Variants in IQGAP2 observed in about 807,000 individuals in gnomAD.
IQGAP2 encodes ras GTPase-activating-like protein IQGAP2.
In IQGAP2, 173 loss-of-function variants were observed where a neutral mutation model predicts 201.3. The observed-to-expected ratio is 0.86, with a 90% CI of 0.76 to 0.98. The LOEUF is 0.98. Ranked by LOEUF, IQGAP2 falls within the 50% of genes least tolerant of loss-of-function variation. The pLI is 0.00. For synonymous variants in IQGAP2, 675 were observed against 673.9 expected (o/e 1.00, Z -0.03); for missense variants, 1,687 against 1,864.8 (o/e 0.90, Z 1.76).
chr5:76,419,242 A>G lies in IQGAP2; in HGVS notation c.46+15651A>G, dbSNP rs78407751. On this transcript the variant is annotated intron_variant, in intron 1 of 35. Coordinates refer to ENST00000274364, the MANE Select transcript of IQGAP2 (RefSeq NM_006633.5). ...AGCCTCAAACTCCTGGGCTCAAGCT[A>G]TGCTCCCAAGTAGCTAGGACTACAG... 6.6e-3 allele frequency among the ~76,000 whole-genome samples: 999 copies of G among 152,248 alleles called. 10 individuals are homozygous for G. Among genetic ancestry groups the G allele is most frequent in the African/African-American group, 0.022 (894 of 41,542 alleles).
intron 14 of IQGAP2, among the ~76,000 whole-genome samples, chr5:76,630,728 T>C (rs1750629432): frequency 6.6e-6 from 1 of 152,104 alleles, no homozygotes; most frequent in African/African-American, 2.4e-5. Flanking sequence ...ATTTTCTCTA[T>C]CCTACAAAGC....
chr5:76,670,083 G>A (rs1010104645), intron 23 of IQGAP2, among the ~76,000 whole-genome samples: 4 of 152,170 alleles, frequency 2.6e-5, no homozygotes, highest in South Asian at 4.1e-4. Flanking sequence ...GAGAGATGGC[G>A]GGTGAAGCTG....
In IQGAP2 at chr5:76,504,124, A is replaced by G. The variant is rs116509170; in HGVS notation, c.146+42455A>G. 9.1e-3 allele frequency among the ~76,000 whole-genome samples: 1,392 copies of G among 152,296 alleles called. 18 individuals are homozygous for G. Among genetic ancestry groups the G allele is most frequent in the African/African-American group, 0.031 (1,296 of 41,558 alleles). On this transcript the variant is annotated intron_variant, in intron 2 of 35. Transcript: ENST00000274364. ...ACTTTTAGAGCATAGCGTGCTAACA[A>G]AGAGGAGCTTGCTTCCTCCAAACAG...
intron 2 of IQGAP2, among the ~76,000 whole-genome samples, chr5:76,530,651 T>C (rs994934480): frequency 1.5e-5 from 2 of 130,746 alleles, no homozygotes; most frequent in Admixed American, 1.5e-4. Context: ...CTTTAACAAT[T>C]TGAAGTTCTT....
Position 76,694,109 on chromosome 5 carries a change from C to T in IQGAP2, c.3993+667C>T, listed in dbSNP as rs1449952248. The T allele has an allele frequency of 3.3e-5, 5 of 152,114 alleles. No individual in the cohort carries two copies. The East Asian group carries it at 7.7e-4, about 23-fold the overall frequency. The allele number at this position is 152,114 out of a possible 1,614,324, so 9.4% of individuals were successfully genotyped here. ...GATCATTCTTAATTTAATTGATTGC[C>T]AAGGAATCCTTGTAATAGTTTTTAA... is the stretch of plus-strand genomic sequence containing the variant. On this transcript the variant is annotated intron_variant, in intron 31 of 35. Transcript: ENST00000274364.
At chr5:76,584,122 T>A (rs963096797) in intron 5 of IQGAP2, among the ~76,000 whole-genome samples, 3 of 152,168 alleles carry the variant, frequency 2.0e-5, no homozygotes, top group African/African-American at 7.2e-5. Flanking sequence ...ATCGCCTGCC[T>A]TGGCCTCCCA....
intron 15 of IQGAP2, among the ~76,000 whole-genome samples, chr5:76,636,698 C>T (rs2150394321): frequency 6.6e-6 from 1 of 152,342 alleles, no homozygotes; most frequent in South Asian, 2.1e-4. Flanking sequence ...CCTTTGTCTA[C>T]ATGTGTTGTT....
At chr5:76,483,198 T>C (rs1016761933) in intron 2 of IQGAP2, among the ~76,000 whole-genome samples, 3 of 152,274 alleles carry the variant, frequency 2.0e-5, no homozygotes, top group East Asian at 3.9e-4. Flanking sequence ...ATAGCATAAA[T>C]AGAGGTGGAG....
intron 2 of IQGAP2, among the ~76,000 whole-genome samples, chr5:76,496,749 C>CTTTTCT (rs775351003): frequency 1.7e-5 from 1 of 60,470 alleles, no homozygotes; most frequent in Admixed American, 1.7e-4. Flanking sequence ...TTCTTTCTTT[C>CTTTTCT]TTTCTTTCTT....
chr5:76,534,165 A>G (rs867500311), intron 2 of IQGAP2, among the ~76,000 whole-genome samples: 2 of 152,322 alleles, frequency 1.3e-5, no homozygotes, highest in African/African-American at 2.4e-5. Context: ...TTTTTCCCAC[A>G]TGGAGAGCTA....
Position 76,496,765 on chromosome 5 carries a change from C to CTTTCTTTCT in IQGAP2, c.146+35099_146+35107dup, listed in dbSNP as rs1561416612. Among the ~76,000 whole-genome samples, 52 of 72,028 alleles carry CTTTCTTTCT rather than the reference C, an allele frequency of 7.2e-4. 1 individual carries two copies. The highest frequency in any genetic ancestry group is 1.8e-3 in the African/African-American group (25 of 14,158). The allele number at this position is 72,028 out of a possible 152,430, so 47.3% of individuals were successfully genotyped here. ...TCTTTCTTTCTTTCTTTCTTTCTTT[C>CTTTCTTTCT]TTTCTTTCTTTCTTTCTTTCTTTCT... On this transcript the variant is annotated intron_variant, in intron 2 of 35. Coordinates refer to ENST00000274364, the MANE Select transcript of IQGAP2 (RefSeq NM_006633.5).
At chr5:76,544,798 A>G (rs1004333615) in intron 2 of IQGAP2, among the ~76,000 whole-genome samples, 11 of 152,182 alleles carry the variant, frequency 7.2e-5, no homozygotes, top group Non-Finnish European at 1.3e-4. Flanking sequence ...AAAGGTAAAC[A>G]TTATTGCCAG....
Position 76,674,647 on chromosome 5 carries a change from A to G in IQGAP2, c.3465A>G (p.Glu1155=). The G allele has an allele frequency of 6.2e-7, 1 of 1,614,174 alleles. No homozygotes were observed. Among genetic ancestry groups the G allele is most frequent in the Non-Finnish European group, 8.5e-7 (1 of 1,180,006 alleles). The change falls in exon 27 of 36, where the codon GAA becomes GAG. Residue 1155 remains glutamate, a synonymous_variant. Transcript: ENST00000274364. ...LQHAASNKLF[E]GENEHLSSMN... ...ACGCAGCCTCCAACAAGCTGTTTGA[A>G]GGAGAAAATGAGCATCTCTCATCTA...
At chr5:76,535,060 G>C (rs768301744) in intron 2 of IQGAP2, among the ~76,000 whole-genome samples, 4 of 152,202 alleles carry the variant, frequency 2.6e-5, no homozygotes, top group Non-Finnish European at 5.9e-5. Flanking sequence ...AGCAGGTAGG[G>C]AGTAGAGTGA....
At chr5:76,429,894 C>CACACACACACACACA (rs1401698379) in intron 1 of IQGAP2, among the ~76,000 whole-genome samples, 1 of 150,230 alleles carries the variant, frequency 6.7e-6, no homozygotes, top group African/African-American at 2.5e-5. Context: ...CACACACACA[C>CACACACACACACACA]GACTATTTCA....
intron 2 of IQGAP2, among the ~76,000 whole-genome samples, chr5:76,550,697 A>T (rs1230893581): frequency 6.6e-6 from 1 of 152,212 alleles, no homozygotes; most frequent in Non-Finnish European, 1.5e-5. Context: ...CAGGATCACA[A>T]GGCAGAAGAA....
chr5:76,636,394 A>G (rs1192395157), intron 15 of IQGAP2, among the ~76,000 whole-genome samples: 2 of 152,146 alleles, frequency 1.3e-5, no homozygotes, highest in Non-Finnish European at 2.9e-5. Flanking sequence ...GGATTTTCTA[A>G]CACCCCTTCC....
intron 2 of IQGAP2, among the ~76,000 whole-genome samples, chr5:76,499,740 A>G (rs1757173913): frequency 1.3e-5 from 2 of 152,180 alleles, no homozygotes; most frequent in South Asian, 4.1e-4. Context: ...AATGAGAATA[A>G]GAAGAGCTGC....
intron 11 of IQGAP2, among the ~76,000 whole-genome samples, chr5:76,605,334 A>G (rs6889411): frequency 2.0e-4 from 30 of 152,136 alleles, no homozygotes; most frequent in Non-Finnish European, 4.1e-4. Context: ...GGTCATAAAC[A>G]ATGGGTGAGA....
Sources: allele counts gnomAD v4.1 joint callset (sites outside exome capture counted in the v4.1 genomes callset), GRCh38; gene constraint gnomAD v4.1.1; transcripts MANE v1.5; gene names NCBI Gene and HGNC (gene_info 2026-07-23, HGNC 2026-07-21).